The following HDAC4 variants were observed in gnomAD, a reference collection of about 807,000 sequenced individuals.
HDAC4 encodes the protein histone deacetylase A.
Under a neutral mutation model 135.1 loss-of-function variants are expected in HDAC4, and 16 were observed. The observed-to-expected ratio is 0.12, with a 90% CI of 0.08 to 0.18. The LOEUF (loss-of-function observed/expected upper bound fraction) is 0.18. Among genes scored for constraint, HDAC4 ranks in the 10% least tolerant of loss-of-function variants. HDAC4 has a pLI of 1.00. For synonymous variants in HDAC4, 685 were observed against 653.4 expected (o/e 1.05, Z -0.74); for missense variants, 1,143 against 1,511.8 (o/e 0.76, Z 4.05).
At chr2:239,201,992 G>T (rs1055616040) in intron 3 of HDAC4, among the ~76,000 whole-genome samples, 23 of 152,182 alleles carry the variant, frequency 1.5e-4, no homozygotes, top group Non-Finnish European at 1.6e-4. Flanking sequence ...GAGAAGGGTG[G>T]TCCCTGCAGT....
At chr2:239,061,520 G>A (rs969267663) in intron 24 of HDAC4, among the ~76,000 whole-genome samples, 6 of 152,086 alleles carry the variant, frequency 3.9e-5, no homozygotes, top group Admixed American at 1.3e-4. Context: ...TGGTGCTTGC[G>A]TGGGTGTGCA....
At chr2:239,229,947 A>G (rs1191528951) in intron 3 of HDAC4, among the ~76,000 whole-genome samples, 2 of 152,156 alleles carry the variant, frequency 1.3e-5, no homozygotes, top group African/African-American at 2.4e-5. Flanking sequence ...CCCAAGAGGC[A>G]GTTTTCTATA....
At chr2:239,234,216 T>C (rs1418790347) in intron 3 of HDAC4, among the ~76,000 whole-genome samples, 1 of 152,228 alleles carries the variant, frequency 6.6e-6, no homozygotes, top group African/African-American at 2.4e-5. Flanking sequence ...ATGCTTTCTC[T>C]GCCCACTGTT....
chr2:239,341,687 C>T (rs903232013), intron 2 of HDAC4, among the ~76,000 whole-genome samples: 1 of 152,122 alleles, frequency 6.6e-6, no homozygotes, highest in African/African-American at 2.4e-5. Context: ...TACATATTTC[C>T]TAGGAAAACT....
chr2:239,140,745 G>C (rs145997531), intron 8 of HDAC4: 4,496 of 286,004 alleles, frequency 0.016, 64 homozygotes, highest in South Asian at 0.032. Context: ...CCCTGGAGGG[G>C]AGGTTAAGGG....
chr2:239,074,129 A>C (rs983833859), intron 22 of HDAC4, among the ~76,000 whole-genome samples: 1 of 152,126 alleles, frequency 6.6e-6, no homozygotes, highest in Non-Finnish European at 1.5e-5. Flanking sequence ...TCTGCTTTCA[A>C]CTGTCCACAT....
intron 1 of HDAC4, among the ~76,000 whole-genome samples, chr2:239,387,800 C>T (rs191586114): frequency 7.2e-5 from 11 of 152,254 alleles, no homozygotes; most frequent in Admixed American, 7.2e-4. Flanking sequence ...CTCTACTTTC[C>T]AACAAGAGTG....
chr2:239,335,024 CAAA>C (rs35641548), intron 2 of HDAC4, among the ~76,000 whole-genome samples: 1 of 94,496 alleles, frequency 1.1e-5, no homozygotes, highest in Non-Finnish European at 2.0e-5. Flanking sequence ...GACTCCATCT[CAAA>C]AAAAAAAAAA....
chr2:239,162,418 C>CCTT (rs553374015), intron 6 of HDAC4: 23 of 444,240 alleles, frequency 5.2e-5, no homozygotes, highest in African/African-American at 4.0e-4. Context: ...CACTCCTGTC[C>CCTT]CTTGCTCCTT....
intron 22 of HDAC4, among the ~76,000 whole-genome samples, chr2:239,074,023 AGCAGCAGGACTGAGGGGG>A (rs1559374719): frequency 2.5e-5 from 3 of 118,292 alleles, no homozygotes; most frequent in Non-Finnish European, 3.6e-5. Flanking sequence ...GACTGAGGGG[AGCAGCAGGACTGAGGGGG>A]GCAGCAGGAC....
In HDAC4 at chr2:239,352,794, T is replaced by C; in HGVS notation, c.-95A>G. ...CGAGCTCCAAACTCCCACCAACACATACAAGTACCGGGACGGTGAGGGCTG... is the reference window on the plus strand; with the variant it reads ...CGAGCTCCAAACTCCCACCAACACACACAAGTACCGGGACGGTGAGGGCTG... On this transcript the variant is annotated 5_prime_UTR_variant, in exon 2 of 27. An upstream start codon of the reference 5' UTR is lost. Transcript: ENST00000543185. The surrounding 1 kb of genome is among the most constrained non-coding windows in gnomAD (Gnocchi z 4.4). The C allele has an allele frequency of 8.2e-7, 1 of 1,217,386 alleles. No individual in the cohort carries two copies. Among genetic ancestry groups the C allele is most frequent in the Non-Finnish European group, 1.2e-6 (1 of 843,130 alleles). 75.4% of individuals were successfully genotyped at this position (1,217,386 alleles called of 1,614,324 possible). A position where few individuals can be genotyped will look rare whatever the true frequency, so the allele number is the denominator to read the frequency against.
intron 3 of HDAC4, among the ~76,000 whole-genome samples, chr2:239,219,455 A>T (rs777693688): frequency 3.6e-4 from 45 of 124,688 alleles, no homozygotes; most frequent in East Asian, 3.0e-3. Flanking sequence ...AACATCACAC[A>T]CCGGGGACTG....
chr2:239,092,269 A>G (rs2036590507), intron 17 of HDAC4, among the ~76,000 whole-genome samples: 1 of 151,188 alleles, frequency 6.6e-6, no homozygotes, highest in South Asian at 2.1e-4. Context: ...AAAAAAATCC[A>G]AGGTGACATC....
At chr2:239,166,290 T>C (rs2043118491) in intron 5 of HDAC4, among the ~76,000 whole-genome samples, 1 of 152,068 alleles carries the variant, frequency 6.6e-6, no homozygotes, top group African/African-American at 2.4e-5. Flanking sequence ...ACAAAGACAT[T>C]AACTACACGA....
chr2:239,169,435 C>T (rs901978750), intron 5 of HDAC4, among the ~76,000 whole-genome samples: 6 of 152,210 alleles, frequency 3.9e-5, no homozygotes, highest in African/African-American at 9.6e-5. Context: ...CCACGGGGAC[C>T]GCGTGCTATT....
chr2:239,164,035 T>G (rs2042981355), intron 5 of HDAC4, 112 bp from the exon 6 acceptor site: 21 of 1,346,466 alleles, frequency 1.6e-5, no homozygotes, highest in Non-Finnish European at 2.2e-5. Context: ...CTATGCACCT[T>G]CAGGACGCTG....
At chr2:239,232,034 C>A (rs569860518) in intron 3 of HDAC4, among the ~76,000 whole-genome samples, 664 of 57,078 alleles carry the variant, frequency 0.012, no homozygotes, top group Non-Finnish European at 0.023. Flanking sequence ...GCACCTGCTC[C>A]CGGATGCCTG....
Position 239,164,411 on chromosome 2 carries a change from T to C in HDAC4, c.491-488A>G, listed in dbSNP as rs149299581. Among the ~76,000 whole-genome samples, 1,397 of 152,290 alleles carry C rather than the reference T, an allele frequency of 9.2e-3. 12 individuals are homozygous for C. The highest frequency in any genetic ancestry group is 0.016 in the Non-Finnish European group (1,059 of 68,018). The stretch of plus-strand genomic sequence containing the variant: ...ACGGCCGGCTCTGCTTCCAACAGCA[T>C]CAAAGGGCAGCGCCTGTCCTCCCCA... On this transcript the variant is annotated intron_variant, in intron 5 of 26. Transcript: ENST00000543185.
Position 239,309,285 on chromosome 2 carries a change from G to C in HDAC4, c.22+43393C>G, listed in dbSNP as rs759801340. 6.6e-6 allele frequency: 1 copy of C among 152,032 alleles called. No individual in the cohort carries two copies. Among genetic ancestry groups the C allele is most frequent in the African/African-American group, 2.4e-5 (1 of 41,398 alleles). 9.4% of individuals were successfully genotyped at this position (152,032 alleles called of 1,614,324 possible). On this transcript the variant is annotated intron_variant, in intron 2 of 26. Transcript: ENST00000543185. This position sits in a 1 kb window ranked among gnomAD's most constrained non-coding sequence, Gnocchi z 4.2. ...ACATTACATAACAAGCAGATGATAC[G>C]AGAGATCACCACAGTGTTTCGGCTC...
Sources: allele counts gnomAD v4.1 joint callset (sites outside exome capture counted in the v4.1 genomes callset), GRCh38; gene constraint gnomAD v4.1.1; non-coding constraint Gnocchi (gnomAD v3.1); transcripts MANE v1.5; gene names NCBI Gene and HGNC (gene_info 2026-07-23, HGNC 2026-07-21).